LINGO2: variants seen among roughly 807,000 people sequenced by gnomAD.
LINGO2 encodes leucine-rich repeat and immunoglobulin-like domain-containing nogo receptor-interacting protein 2.
Under a neutral mutation model 30.6 loss-of-function variants are expected in LINGO2, and 14 were observed. That is an observed-to-expected ratio of 0.46 (90% CI 0.30 to 0.72). LINGO2 has a LOEUF of 0.72. LINGO2 is among the 30% of genes least tolerant of loss of function. The pLI is 0.07. For missense variants in LINGO2, 729 were observed against 751.7 expected (o/e 0.97, Z 0.35); for synonymous variants, 317 against 288.5 (o/e 1.10, Z -1.00).
At chr9:28,233,760 G>C (rs1019543042) in intron 4 of LINGO2, among the ~76,000 whole-genome samples, 2 of 152,136 alleles carry the variant, frequency 1.3e-5, no homozygotes, top group African/African-American at 4.8e-5. Context: ...GCCACAATAG[G>C]ATAGGCACCA....
At chr9:28,402,417 A>T (rs533507681) in intron 2 of LINGO2, among the ~76,000 whole-genome samples, 35 of 152,288 alleles carry the variant, frequency 2.3e-4, no homozygotes, top group African/African-American at 7.5e-4. Flanking sequence ...GTGAGATTAG[A>T]AAATAAGAAA....
In LINGO2 at chr9:28,604,253, G is replaced by A. The variant is rs574845646; in HGVS notation, c.-365+65947C>T. ...GTTAGGCAATAGTAAAAAACTAAATGCCCCAAAAGAAGGCATGTAAAGATA... is the reference window on the plus strand; with the variant it reads ...GTTAGGCAATAGTAAAAAACTAAATACCCCAAAAGAAGGCATGTAAAGATA... On this transcript the variant is annotated intron_variant, in intron 1 of 5. Coordinates refer to ENST00000379992, the Ensembl canonical transcript of LINGO2. Among the ~76,000 whole-genome samples the A allele has an allele frequency of 5.3e-5, 8 of 151,950 alleles. No homozygotes were observed. The East Asian group carries it at 1.4e-3, about 26-fold the overall frequency.
rs1554643655 is a variant in LINGO2 at position 28,598,430 on chromosome 9, A to AC, written c.-365+71769_-365+71770insG. Among the ~76,000 whole-genome samples, 395 of 132,700 alleles carry AC rather than the reference A, an allele frequency of 3.0e-3. 2 individuals carry two copies. The highest frequency in any genetic ancestry group is 9.6e-3 in the African/African-American group (351 of 36,520). The allele number at this position is 132,700 out of a possible 152,430, so 87.1% of individuals were successfully genotyped here. On this transcript the variant is annotated intron_variant, in intron 1 of 5. Transcript: ENST00000379992. ...TTGTTCTCCATATCAAAAAAAAAAA[A>AC]AAAACAAAACAAACAAACAAACAAA...
At chr9:29,046,147 G>A in the LINGO2 span, among the ~76,000 whole-genome samples, 1 of 152,018 alleles carries the variant, frequency 6.6e-6, no homozygotes, top group African/African-American at 2.4e-5. Flanking sequence ...TGATTGCTCT[G>A]GCTAGGACTT....
intron 4 of LINGO2, among the ~76,000 whole-genome samples, chr9:28,094,830 T>A (rs1826198958): frequency 6.6e-6 from 1 of 152,122 alleles, no homozygotes; most frequent in Admixed American, 6.6e-5. Context: ...AATTGTGAAG[T>A]TCTTAAAAGA....
the LINGO2 span, among the ~76,000 whole-genome samples, chr9:28,683,757 A>G: frequency 6.6e-6 from 1 of 152,282 alleles, no homozygotes; most frequent in East Asian, 1.9e-4. Flanking sequence ...TCATTCACTC[A>G]TTCAGCAGCT....
At chr9:28,959,238 G>A in the LINGO2 span, among the ~76,000 whole-genome samples, 8 of 151,916 alleles carry the variant, frequency 5.3e-5, no homozygotes, top group Non-Finnish European at 8.8e-5. Flanking sequence ...ACAGAGAAAC[G>A]GTCTCAACAT....
the LINGO2 span, among the ~76,000 whole-genome samples, chr9:29,144,210 C>T: frequency 1.2e-4 from 18 of 152,074 alleles, no homozygotes; most frequent in Non-Finnish European, 1.8e-4. Context: ...ATAATGCCTC[C>T]GACTTTGTTC....
At chr9:28,414,344 T>C (rs565189683) in intron 2 of LINGO2, among the ~76,000 whole-genome samples, 1 of 152,178 alleles carries the variant, frequency 6.6e-6, no homozygotes, top group South Asian at 2.1e-4. Context: ...GCTGAGAAAG[T>C]ACATATATGT....
the LINGO2 span, among the ~76,000 whole-genome samples, chr9:28,821,752 G>A: frequency 3.3e-5 from 5 of 152,180 alleles, no homozygotes; most frequent in Non-Finnish European, 7.3e-5. Context: ...ATGGGAGGAC[G>A]TTCCCATTCC....
rs10968513 is a variant in LINGO2, at chr9:28,331,339, C to T, written c.-245-35973G>A. 8.0e-3 allele frequency among the ~76,000 whole-genome samples: 1,214 copies of T among 152,120 alleles called. 95 individuals carry two copies. In the East Asian group the frequency reaches 0.18, roughly 22 times the overall value. On this transcript the variant is annotated intron_variant, in intron 3 of 5. Transcript: ENST00000379992. ...AAGCAAAAAACTTAAATCTCCATAA[C>T]CTTAATTAATCAAGTAGAGTTGAAA...
At chr9:29,138,342 C>A in the LINGO2 span, among the ~76,000 whole-genome samples, 1 of 151,984 alleles carries the variant, frequency 6.6e-6, no homozygotes, top group Non-Finnish European at 1.5e-5. Context: ...GAAACTTAGA[C>A]CCAAAAGTAC....
chr9:28,045,028 C>A (rs951150938), intron 4 of LINGO2, among the ~76,000 whole-genome samples: 1 of 151,770 alleles, frequency 6.6e-6, no homozygotes, highest in African/African-American at 2.4e-5. Flanking sequence ...CCCAGGGGAG[C>A]GAGTGTGGGG....
intron 1 of LINGO2, among the ~76,000 whole-genome samples, chr9:28,623,498 C>T (rs977382341): frequency 1.3e-5 from 2 of 151,828 alleles, no homozygotes; most frequent in Non-Finnish European, 2.9e-5. Context: ...TACGAGTTCA[C>T]TTTAGGTGTG....
intron 4 of LINGO2, among the ~76,000 whole-genome samples, chr9:28,050,541 T>G (rs1348244754): frequency 2.0e-5 from 3 of 150,930 alleles, no homozygotes; most frequent in Non-Finnish European, 4.4e-5. Flanking sequence ...ATGTAATGTG[T>G]GATCACTGAT....
intron 4 of LINGO2, among the ~76,000 whole-genome samples, chr9:28,156,079 A>G (rs755226555): frequency 6.4e-4 from 97 of 152,340 alleles, no homozygotes; most frequent in Non-Finnish European, 1.1e-3. Flanking sequence ...TGAATTATTC[A>G]CTGCAATAGA....
chr9:28,164,832 C>T (rs866535283), intron 4 of LINGO2, among the ~76,000 whole-genome samples: 1 of 152,190 alleles, frequency 6.6e-6, no homozygotes, highest in Non-Finnish European at 1.5e-5. Context: ...GCACTTTCCT[C>T]CTGACAGGTT....
intron 1 of LINGO2, among the ~76,000 whole-genome samples, chr9:28,498,781 A>T (rs1331368447): frequency 6.6e-6 from 1 of 152,054 alleles, no homozygotes; most frequent in East Asian, 1.9e-4. Flanking sequence ...AGCTGTTCCT[A>T]TTCGGCCATC....
At chr9:28,621,811 T>C (rs887802565) in intron 1 of LINGO2, among the ~76,000 whole-genome samples, 4 of 152,032 alleles carry the variant, frequency 2.6e-5, no homozygotes, top group South Asian at 2.1e-4. Context: ...TATAATATTG[T>C]ATATATATTA....
Sources: allele counts gnomAD v4.1 joint callset (sites outside exome capture counted in the v4.1 genomes callset), GRCh38; gene constraint gnomAD v4.1.1; transcripts MANE v1.5; gene names NCBI Gene and HGNC (gene_info 2026-07-23, HGNC 2026-07-21).